The following C5orf58 variants were observed in gnomAD, a reference collection of about 807,000 sequenced individuals.
The protein encoded by C5orf58 is putative uncharacterized protein C5orf58.
C5orf58 carries 2 observed loss-of-function variants against 2.9 expected under a neutral mutation model. That is an observed-to-expected ratio of 0.69 (90% CI 0.28 to 2.18). C5orf58 has a LOEUF of 2.18. C5orf58 is among the 30% of genes most tolerant of loss of function. C5orf58 has a pLI of 0.13. For synonymous variants in C5orf58, 37 were observed against 33.4 expected, an observed-to-expected ratio of 1.11 and a Z score of -0.37; for missense variants, 96 against 91.7, an observed-to-expected ratio of 1.05 and a Z score of -0.19.
At chr5:170,244,957 T>C (rs867107551) in intron 3 of C5orf58, among the ~76,000 whole-genome samples, 2 of 152,180 alleles carry the variant, frequency 1.3e-5, no homozygotes, top group South Asian at 2.1e-4. Flanking sequence ...GATGGGTTTT[T>C]GGTGTGGATG....
intron 3 of C5orf58, among the ~76,000 whole-genome samples, chr5:170,239,398 G>GA (rs11446646): frequency 0.17 from 25,025 of 143,234 alleles, 4,205 homozygotes; most frequent in African/African-American, 0.45. Context: ...ACTGAAAATT[G>GA]AAAAAAAAAA....
chr5:170,249,077 T>G (rs1283928922), downstream of C5orf58, among the ~76,000 whole-genome samples: 2 of 152,086 alleles, frequency 1.3e-5, no homozygotes, highest in African/African-American at 4.8e-5. Context: ...ATCCCAGCAC[T>G]TTGGGAGGCT....
At chr5:170,233,187 G>C (rs1464428467) in intron 1 of C5orf58, 180 bp downstream of exon 1, 1 of 158,016 alleles carries the variant, frequency 6.3e-6, no homozygotes, top group Admixed American at 6.5e-5. Flanking sequence ...GGGACGGTTG[G>C]CTGGGTGGGC....
Position 170,243,124 on chromosome 5 carries a change from T to A in C5orf58, c.95-2838T>A, listed in dbSNP as rs1451149467. 2.1e-3 allele frequency among the ~76,000 whole-genome samples: 309 copies of A among 149,966 alleles called. 3 individuals are homozygous for A. The highest frequency in any genetic ancestry group is 7.2e-3 in the African/African-American group (295 of 40,722). On this transcript the variant is annotated intron_variant, in intron 3 of 3. Transcript: ENST00000593851. ...TCTTAATCCTGAGTTCTAGTTTGAT[T>A]GCACTGTGGTCTGAGAGATAGTTTG...
At chr5:170,244,019 A>C (rs1234674016) in intron 3 of C5orf58, among the ~76,000 whole-genome samples, 1 of 150,486 alleles carries the variant, frequency 6.6e-6, no homozygotes, top group Non-Finnish European at 1.5e-5. Context: ...AAAGTATTTT[A>C]TTTCTCCTTC....
chr5:170,241,340 G>A (rs1332241502), intron 3 of C5orf58, among the ~76,000 whole-genome samples: 2 of 150,080 alleles, frequency 1.3e-5, no homozygotes, highest in Admixed American at 6.6e-5. Flanking sequence ...TGATGGGGAT[G>A]GCATTGAATC....
intron 3 of C5orf58, chr5:170,237,194 G>A (rs77329824): frequency 5.3e-5 from 21 of 397,820 alleles, no homozygotes; most frequent in East Asian, 1.8e-4. Flanking sequence ...GTAGAGCTAC[G>A]CTAGGAAGGT....
In C5orf58 at chr5:170,246,050, C is replaced by T. The variant is rs766716471; in HGVS notation, c.183C>T (p.Asn61=). 120 of 1,613,434 alleles carry T rather than the reference C, an allele frequency of 7.4e-5. 1 individual carries two copies. In the South Asian group the frequency reaches 8.2e-4, roughly 11 times the overall value. ...ACTTAGCAGAAGCAGAAAGAAACAA[C>T]CCCCTCTTTGAAGAGTCTAAAATAT... is the stretch of plus-strand genomic sequence containing the variant. The part of the protein sequence containing the change: ...TENLAEAERN[N]PLFEESKISD... The change falls in exon 4 of 4, where the codon AAC becomes AAT. Residue 61 remains asparagine (N), a synonymous_variant. Coordinates refer to ENST00000593851, the MANE Select transcript of C5orf58 (RefSeq NM_001102609.3).
chr5:170,242,015 T>A (rs1761034224), intron 3 of C5orf58, among the ~76,000 whole-genome samples: 1 of 145,712 alleles, frequency 6.9e-6, no homozygotes, highest in Admixed American at 6.8e-5. Flanking sequence ...CAAAGGCTTT[T>A]TCTGCATCTA....
chr5:170,239,776 A>AT (rs528804523), intron 3 of C5orf58, among the ~76,000 whole-genome samples: 13 of 149,538 alleles, frequency 8.7e-5, no homozygotes, highest in African/African-American at 2.0e-4. Flanking sequence ...CATAAATCTT[A>AT]TTTTTTTTTT....
chr5:170,252,452 A>G (rs948399083), downstream of C5orf58: 2 of 1,576,646 alleles, frequency 1.3e-6, no homozygotes, highest in East Asian at 2.2e-5. Flanking sequence ...TCTTTCTAAG[A>G]GCAGCTTCTG....
chr5:170,245,374 C>G (rs984290782), intron 3 of C5orf58, among the ~76,000 whole-genome samples: 5 of 152,330 alleles, frequency 3.3e-5, no homozygotes, highest in South Asian at 2.1e-4. Context: ...CCCCCAGCCT[C>G]GCTGCTGCCT....
At chr5:170,244,771 C>A (rs1197060713) in intron 3 of C5orf58, among the ~76,000 whole-genome samples, 1 of 152,164 alleles carries the variant, frequency 6.6e-6, no homozygotes, top group East Asian at 1.9e-4. Context: ...AAGCCTTCTT[C>A]TCTCAGCTCG....
chr5:170,250,753 C>G, downstream of C5orf58: 2 of 1,613,428 alleles, frequency 1.2e-6, no homozygotes, highest in Non-Finnish European at 1.7e-6. Flanking sequence ...AGTCCAGTTC[C>G]CAACAAGTAA....
intron 3 of C5orf58, 29 bp downstream of exon 3, chr5:170,235,099 A>G: frequency 8.9e-7 from 1 of 1,128,864 alleles, no homozygotes; most frequent in East Asian, 2.6e-5. Context: ...AAATGTTTGC[A>G]TGTCATTGTT....
At position 170,246,095 on chromosome 5, in the gene C5orf58, T is replaced by C; in HGVS notation, c.228T>C (p.Ser76=). The stretch of plus-strand genomic sequence containing the variant: ...AAATATCAGATGTATCCCTTGTTTC[T>C]AACAGTTTTTCTATCTGATTTCTTA... ...ESKISDVSLV[S]NSFSI is the part of the protein sequence containing the mutation. Residue 76 remains serine, a synonymous_variant, in exon 4 of 4, where the codon TCT becomes TCC. Coordinates refer to ENST00000593851, the MANE Select transcript of C5orf58 (RefSeq NM_001102609.3). The C allele has an allele frequency of 6.2e-7, 1 of 1,610,380 alleles. No homozygotes were observed.
At chr5:170,250,684 G>A (rs749391893), downstream of C5orf58, 5 of 1,491,832 alleles carry the variant, frequency 3.4e-6, no homozygotes, top group Admixed American at 5.0e-5. Flanking sequence ...ATGCAGAGTG[G>A]CATAAATAAA....
intron 3 of C5orf58, among the ~76,000 whole-genome samples, chr5:170,238,058 T>C (rs754963902): frequency 3.3e-5 from 5 of 152,162 alleles, no homozygotes; most frequent in Non-Finnish European, 7.4e-5. Context: ...CCCCACATTA[T>C]TGAGTACCAC....
chr5:170,234,166 C>G lies in C5orf58; in HGVS notation c.-33C>G. 7.3e-7 allele frequency: 1 copy of G among 1,367,550 alleles called. No individual in the cohort carries two copies. Among genetic ancestry groups the G allele is most frequent in the Non-Finnish European group, 9.8e-7 (1 of 1,021,780 alleles). The allele number at this position is 1,367,550 out of a possible 1,614,324, so 84.7% of individuals were successfully genotyped here. On this transcript the variant is annotated 5_prime_UTR_variant, in exon 2 of 4. Coordinates refer to ENST00000593851, the MANE Select transcript of C5orf58 (RefSeq NM_001102609.3). ...AGAAATTGCAGAAATTCTCCCTGCT[C>G]AGGAAAAGGTAGAGGCAAGGATTGA...
Sources: allele counts gnomAD v4.1 joint callset (sites outside exome capture counted in the v4.1 genomes callset), GRCh38; gene constraint gnomAD v4.1.1; transcripts MANE v1.5; gene names NCBI Gene and HGNC (gene_info 2026-07-23, HGNC 2026-07-21).